The following ZFHX3 variants were observed in gnomAD, a reference collection of about 807,000 sequenced individuals.
ZFHX3 encodes zinc finger homeobox 3, also known as zinc finger homeobox protein 3.
A neutral mutation model predicts 279.1 loss-of-function variants in ZFHX3; 42 were observed. That is an observed-to-expected ratio of 0.15 (90% CI 0.12 to 0.19). The LOEUF (loss-of-function observed/expected upper bound fraction) is 0.19. Among genes scored for constraint, ZFHX3 ranks in the 10% least tolerant of loss-of-function variants. The pLI, the probability that ZFHX3 is intolerant of heterozygous loss-of-function variation, is 1.00. For synonymous variants in ZFHX3, 2,293 were observed against 1,957.8 expected (o/e 1.17, Z -4.52); for missense variants, 4,981 against 4,754.0 (o/e 1.05, Z -1.40).
rs765322276 is a variant in ZFHX3 at position 73,458,718 on chromosome 16, C to T, written c.-1546-2460G>A. On this transcript the variant is annotated intron_variant, in intron 2 of 17. Transcript: ENST00000641206. ...ACCCCAGGTCACCCCCAACCTTTAT[C>T]GCATTTTCTTATGCTTTTGTATGAT... Among the ~76,000 whole-genome samples the T allele has an allele frequency of 5.9e-5, 9 of 152,092 alleles. No individual in the cohort carries two copies. The South Asian group carries it at 6.2e-4, about 10-fold the overall frequency.
At chr16:73,399,894 G>C (rs759609068) in intron 3 of ZFHX3, among the ~76,000 whole-genome samples, 7 of 150,948 alleles carry the variant, frequency 4.6e-5, no homozygotes, top group Non-Finnish European at 1.0e-4. Context: ...ACCCCCAGAG[G>C]CTGGGCTTAA....
intron 3 of ZFHX3, among the ~76,000 whole-genome samples, chr16:73,357,093 T>C (rs2016355151): frequency 6.6e-6 from 1 of 151,988 alleles, no homozygotes; most frequent in African/African-American, 2.4e-5. Context: ...CCTCTTTCCC[T>C]TTCCCCACTC....
At chr16:73,684,508 T>A (rs528003021) in intron 1 of ZFHX3, among the ~76,000 whole-genome samples, 1 of 152,232 alleles carries the variant, frequency 6.6e-6, no homozygotes, top group African/African-American at 2.4e-5. Flanking sequence ...CATATTGGAT[T>A]AAGGTAGGTA....
At chr16:73,365,038 C>G (rs1019729407) in intron 3 of ZFHX3, among the ~76,000 whole-genome samples, 4 of 152,108 alleles carry the variant, frequency 2.6e-5, no homozygotes, top group African/African-American at 9.7e-5. Flanking sequence ...TGGCGCCTCT[C>G]CCCCCACCCA....
chr16:73,148,243 G>C (rs114892453), intron 5 of ZFHX3, among the ~76,000 whole-genome samples: 2 of 152,092 alleles, frequency 1.3e-5, no homozygotes, highest in Non-Finnish European at 2.9e-5. Context: ...TATAGTAAAC[G>C]TTTGCCAGCC....
At chr16:73,659,225 G>T (rs1297205254) in intron 2 of ZFHX3, among the ~76,000 whole-genome samples, 3 of 152,140 alleles carry the variant, frequency 2.0e-5, no homozygotes, top group Admixed American at 2.0e-4. Context: ...TGGCCAATTG[G>T]CCCTTATGAC....
At chr16:73,571,084 A>C (rs2051729965) in intron 2 of ZFHX3, among the ~76,000 whole-genome samples, 2 of 152,092 alleles carry the variant, frequency 1.3e-5, no homozygotes, top group South Asian at 4.1e-4. Context: ...TAATCTAATC[A>C]GTAATTTCTA....
intron 1 of ZFHX3, among the ~76,000 whole-genome samples, chr16:73,687,947 T>C (rs1803101463): frequency 6.6e-6 from 1 of 152,132 alleles, no homozygotes; most frequent in Non-Finnish European, 1.5e-5. Flanking sequence ...AATTTTATCT[T>C]TAAGACAATA....
chr16:73,539,437 T>C (rs1252104921), intron 2 of ZFHX3, among the ~76,000 whole-genome samples: 1 of 111,566 alleles, frequency 9.0e-6, no homozygotes, highest in African/African-American at 5.0e-5. Context: ...CTTCTTCTTT[T>C]TTTTTTTTTT....
intron 2 of ZFHX3, among the ~76,000 whole-genome samples, chr16:73,594,049 C>T (rs531021381): frequency 6.6e-5 from 10 of 151,830 alleles, no homozygotes; most frequent in East Asian, 1.9e-4. Context: ...CTGCAAGAAG[C>T]GGTGTGAAAG....
intron 4 of ZFHX3, among the ~76,000 whole-genome samples, chr16:72,855,165 G>A (rs1358161655): frequency 6.6e-6 from 1 of 152,122 alleles, no homozygotes; most frequent in Non-Finnish European, 1.5e-5. Context: ...TTGTGGTCAC[G>A]TCAACTCCAC....
chr16:73,055,694 G>GCACACACACACACACACACA (rs753027373), intron 1 of ZFHX3, among the ~76,000 whole-genome samples: 13 of 138,036 alleles, frequency 9.4e-5, no homozygotes, highest in South Asian at 2.5e-4. Flanking sequence ...GCGCGCGCGC[G>GCACACACACACACACACACA]CGCGCACACA....
chr16:72,794,860 T>C lies in ZFHX3; in HGVS notation c.7822A>G (p.Thr2608Ala), dbSNP rs111288031. Reference sequence around the variant, plus strand: ...CTCTTGAGAGTGTTCATTGTGGAGGTTGGAGTTGAAGGAGAAGTGGCTGAG... The same window carrying C: ...CTCTTGAGAGTGTTCATTGTGGAGGCTGGAGTTGAAGGAGAAGTGGCTGAG... ...ASSATSPSTP[T>A]STMNTLKRKL... Residue 2608 changes from threonine (T) to alanine (A), a missense_variant, in exon 9 of 10, where the codon ACC (threonine) becomes GCC (alanine). Transcript: ENST00000268489. The surrounding 1 kb of genome is among the most constrained non-coding windows in gnomAD (Gnocchi z 4.2). 89 of 1,613,272 alleles carry C rather than the reference T, an allele frequency of 5.5e-5. No homozygotes were observed. In the East Asian group the frequency reaches 5.6e-4, roughly 10 times the overall value.
intron 8 of ZFHX3, chr16:73,083,238 C>T (rs1163482853): frequency 2.6e-5 from 4 of 152,438 alleles, no homozygotes; most frequent in African/African-American, 9.6e-5. Context: ...AACACCTTAC[C>T]TTAGTAGAGC....
At chr16:73,207,005 G>A (rs1010909032) in intron 5 of ZFHX3, among the ~76,000 whole-genome samples, 10 of 146,620 alleles carry the variant, frequency 6.8e-5, no homozygotes, top group South Asian at 2.2e-4. Flanking sequence ...GTGACAGAGC[G>A]AGAATCCATC....
chr16:72,935,578 T>C (rs900203888), intron 3 of ZFHX3, among the ~76,000 whole-genome samples: 20 of 151,898 alleles, frequency 1.3e-4, no homozygotes, highest in African/African-American at 4.3e-4. Flanking sequence ...CCATCACTAC[T>C]AAAAATACAA....
chr16:73,204,616 T>G (rs527241305), intron 5 of ZFHX3, among the ~76,000 whole-genome samples: 75 of 152,310 alleles, frequency 4.9e-4, no homozygotes, highest in African/African-American at 1.7e-3. Context: ...CTGTGTGACC[T>G]GGTTCCTAAC....
intron 3 of ZFHX3, among the ~76,000 whole-genome samples, chr16:73,333,474 A>G (rs915961571): frequency 1.3e-5 from 2 of 152,220 alleles, no homozygotes; most frequent in African/African-American, 4.8e-5. Context: ...AAACAGACAG[A>G]AAGAAAGCAA....
intron 1 of ZFHX3, among the ~76,000 whole-genome samples, chr16:73,808,671 C>G (rs977481798): frequency 6.6e-6 from 1 of 152,146 alleles, no homozygotes; most frequent in African/African-American, 2.4e-5. Flanking sequence ...TTGAAGCAGA[C>G]ACCCTTGATT....
Sources: gnomAD v4.1 joint callset for allele counts (sites outside exome capture counted in the v4.1 genomes callset) on GRCh38, gnomAD v4.1.1 for gene constraint, Gnocchi (gnomAD v3.1) non-coding constraint, MANE v1.5 for transcripts, NCBI Gene and HGNC (gene_info 2026-07-23, HGNC 2026-07-21) for gene names.